The following ZSCAN5A variants were observed in gnomAD, a reference collection of about 807,000 sequenced individuals.
The protein encoded by ZSCAN5A is zinc finger and SCAN domain containing 5A.
Under a neutral mutation model 23.7 loss-of-function variants are expected in ZSCAN5A, and 12 were observed. The observed-to-expected ratio is 0.51, with a 90% CI of 0.32 to 0.82. The LOEUF is 0.82. ZSCAN5A is among the 40% of genes least tolerant of loss of function. The pLI, the probability that ZSCAN5A is intolerant of heterozygous loss-of-function variation, is 0.03. For missense variants in ZSCAN5A, 597 were observed against 617.9 expected (o/e 0.97, Z 0.36); for synonymous variants, 257 against 239.9 (o/e 1.07, Z -0.66).
chr19:56,235,775 T>C lies in ZSCAN5A; in HGVS notation c.-127-10602A>G, dbSNP rs75075665. 4.5e-4 allele frequency among the ~76,000 whole-genome samples: 5 copies of C among 11,122 alleles called. 1 individual carries two copies. Among genetic ancestry groups the C allele is most frequent in the Non-Finnish European group, 3.3e-4 (2 of 6,118 alleles). The allele number at this position is 11,122 out of a possible 152,430, so 7.3% of individuals were successfully genotyped here. On this transcript the variant is annotated intron_variant, in intron 2 of 5. Transcript: ENST00000683990. ...AGTCTCTGATGGACGGTGGGCCAAG[T>C]CTCCACTCCAGCCTCTGATGGACAG...
Position 56,222,290 on chromosome 19 carries a change from G to C in ZSCAN5A, c.776C>G (p.Pro259Arg), listed in dbSNP as rs531717987. Reference protein sequence around the residue: ...LVRAKEGKDPPKIASVENVDA... With the variant: ...LVRAKEGKDPRKIASVENVDA... ...CACATTTTCCACAGAGGCTATTTTT[G>C]GGGGGTCCTTCCCCTCCTTTGCTCT... The change falls in exon 6 of 6, where the codon CCA becomes CGA. Residue 259 changes from proline (P) to arginine (R), a missense_variant. This residue lies in a region of ZSCAN5A where 406 missense variants were observed against 353.2 expected (regional missense o/e 1.15). Transcript: ENST00000683990. 2 of 1,612,666 alleles carry C rather than the reference G, an allele frequency of 1.2e-6. No individual in the cohort carries two copies. Among genetic ancestry groups the C allele is most frequent in the South Asian group, 1.1e-5 (1 of 91,080 alleles).
At chr19:56,347,066 C>T (rs1390081801) in intron 2 of ZSCAN5A, 1 of 152,194 alleles carries the variant, frequency 6.6e-6, no homozygotes, top group Non-Finnish European at 1.5e-5. Flanking sequence ...TACAGAGAAA[C>T]GCCACACGCT....
At chr19:56,316,267 A>G (rs1264415706), upstream of ZSCAN5A, 1 of 152,190 alleles carries the variant, frequency 6.6e-6, no homozygotes, top group African/African-American at 2.4e-5. Flanking sequence ...GCATTGCACC[A>G]TCTGTAACAA....
chr19:56,328,512 C>T (rs570378332), intron 2 of ZSCAN5A, among the ~76,000 whole-genome samples: 31 of 150,296 alleles, frequency 2.1e-4, no homozygotes, highest in Non-Finnish European at 3.8e-4. Context: ...CATGGTGGTG[C>T]GCACCTGTAA....
At chr19:56,271,799 C>G (rs2037869080) in intron 2 of ZSCAN5A, among the ~76,000 whole-genome samples, 1 of 152,154 alleles carries the variant, frequency 6.6e-6, no homozygotes, top group South Asian at 2.1e-4. Context: ...ACCTTCAGAG[C>G]TTAGATAGAC....
chr19:56,337,713 T>C (rs139955908), intron 2 of ZSCAN5A, among the ~76,000 whole-genome samples: 1 of 152,338 alleles, frequency 6.6e-6, no homozygotes, highest in African/African-American at 2.4e-5. Flanking sequence ...GCTGTTCCTA[T>C]TCAGCCATCT....
rs534902833 is a variant in ZSCAN5A, at chr19:56,224,460, A to G, written c.384+203T>C. 1,143 of 770,786 alleles carry G rather than the reference A, an allele frequency of 1.5e-3. 2 individuals carry two copies. The highest frequency in any genetic ancestry group is 1.8e-3 in the Non-Finnish European group (898 of 493,902). The allele number at this position is 770,786 out of a possible 1,614,324, so 47.7% of individuals were successfully genotyped here. A position where few individuals can be genotyped will look rare whatever the true frequency, so the allele number is the denominator to read the frequency against. On this transcript the variant is annotated intron_variant, in intron 3 of 5. Transcript: ENST00000683990. Reference sequence around the variant, plus strand: ...GTCATGATGGGTTGTCCTGAGCGTTAGAGAACGCTTAGCAGCGTCTCCTGT... The same window carrying G: ...GTCATGATGGGTTGTCCTGAGCGTTGGAGAACGCTTAGCAGCGTCTCCTGT...
chr19:56,229,926 T>A (rs932100577), intron 2 of ZSCAN5A, among the ~76,000 whole-genome samples: 1 of 152,180 alleles, frequency 6.6e-6, no homozygotes, highest in Non-Finnish European at 1.5e-5. Context: ...TTTTTGCATG[T>A]TGACTTCGTA....
chr19:56,224,443 G>T (rs1359214269), intron 3 of ZSCAN5A: 1 of 693,234 alleles, frequency 1.4e-6, no homozygotes, highest in South Asian at 2.8e-5. Flanking sequence ...TTGTCATGAT[G>T]GGTTGTCCTG....
intron 2 of ZSCAN5A, among the ~76,000 whole-genome samples, chr19:56,289,975 A>G (rs1156544818): frequency 6.6e-6 from 1 of 152,216 alleles, no homozygotes; most frequent in African/African-American, 2.4e-5. Context: ...GGAGTTGAAG[A>G]AAACGAATAC....
rs145786370 is a variant in ZSCAN5A at position 56,222,157 on chromosome 19, A to G, written c.909T>C (p.Asp303=). 5.4e-4 allele frequency: 866 copies of G among 1,613,790 alleles called. 2 individuals carry two copies. Among genetic ancestry groups the G allele is most frequent in the African/African-American group, 5.0e-3 (377 of 74,910 alleles). Residue 303 remains aspartate (D), a synonymous_variant, in exon 6 of 6, where the codon GAT becomes GAC. Transcript: ENST00000683990. The part of the protein sequence containing the change: ...NLSSPKRSKP[D]ASSISQEEPQ... ...GCTCTTCTTGGGAAATGGAGGAGGC[A>G]TCTGGTTTGCTTCTTTTGGGACTGC...
chr19:56,280,920 C>T lies in ZSCAN5A; in HGVS notation c.-128+32363G>A, dbSNP rs556165458. Among the ~76,000 whole-genome samples, 15 of 152,226 alleles carry T rather than the reference C, an allele frequency of 9.9e-5. 1 individual carries two copies. In the South Asian group the frequency reaches 2.7e-3, roughly 27 times the overall value. On this transcript the variant is annotated intron_variant, in intron 2 of 5. Coordinates refer to ENST00000683990, the MANE Select transcript of ZSCAN5A (RefSeq NM_001322064.3). ...CAAACCATAACACATACACATTTGA[C>T]CCTTGAACAATGTGAGAGTTAGGGG... is the stretch of plus-strand genomic sequence containing the variant.
chr19:56,297,578 C>T (rs779323587), intron 2 of ZSCAN5A: 24 of 953,292 alleles, frequency 2.5e-5, no homozygotes, highest in Non-Finnish European at 3.0e-5. Context: ...GACAGTGTGT[C>T]CCTTCTGTCT....
At position 56,261,611 on chromosome 19, in the gene ZSCAN5A, G is replaced by A. The variant is rs535738362; in HGVS notation, c.-127-36438C>T. ...TCAGATCCAGGAGCAAATTGAGAGA[G>A]AGAGGGAGAGAGAGAGGGAGACAGA... On this transcript the variant is annotated intron_variant, in intron 2 of 5. Transcript: ENST00000683990. 1.4e-4 allele frequency among the ~76,000 whole-genome samples: 22 copies of A among 152,166 alleles called. No individual in the cohort carries two copies. In the South Asian group the frequency reaches 4.4e-3, roughly 31 times the overall value.
intron 2 of ZSCAN5A, among the ~76,000 whole-genome samples, chr19:56,355,286 T>C (rs2041694550): frequency 6.7e-6 from 1 of 148,768 alleles, no homozygotes. Context: ...CTATCAAAAT[T>C]GTATAAAACT....
intron 2 of ZSCAN5A, among the ~76,000 whole-genome samples, chr19:56,275,103 A>ACTT (rs2038149479): frequency 6.6e-6 from 1 of 152,210 alleles, no homozygotes; most frequent in South Asian, 2.1e-4. Context: ...CATGGTGTAA[A>ACTT]CTTTAGTCCC....
chr19:56,246,028 C>A (rs1395579034), intron 2 of ZSCAN5A, among the ~76,000 whole-genome samples: 4 of 152,030 alleles, frequency 2.6e-5, no homozygotes, highest in Non-Finnish European at 5.9e-5. Context: ...GTGTCAGGGG[C>A]AGGGAGACGT....
intron 2 of ZSCAN5A, among the ~76,000 whole-genome samples, chr19:56,238,111 AACAC>A (rs1006528056): frequency 1.6e-4 from 22 of 134,578 alleles, no homozygotes; most frequent in South Asian, 5.0e-4. Context: ...AACACATACG[AACAC>A]ACACCCACAC....
At chr19:56,268,962 GA>G (rs1568671414) in intron 2 of ZSCAN5A, among the ~76,000 whole-genome samples, 3 of 152,258 alleles carry the variant, frequency 2.0e-5, no homozygotes, top group African/African-American at 7.2e-5. Flanking sequence ...ATCAGTACTT[GA>G]TTTCTTTTTA....
Sources: gnomAD v4.1 joint callset for allele counts (sites outside exome capture counted in the v4.1 genomes callset) on GRCh38, gnomAD v4.1.1 for gene constraint, gnomAD v4.1.1 regional missense constraint, MANE v1.5 for transcripts, NCBI Gene and HGNC (gene_info 2026-07-23, HGNC 2026-07-21) for gene names.